The following RIC1 variants were observed in gnomAD, a reference collection of about 807,000 sequenced individuals.
The protein encoded by RIC1 is guanine nucleotide exchange factor subunit RIC1.
Under a neutral mutation model 169.0 loss-of-function variants are expected in RIC1, and 88 were observed. The observed-to-expected ratio is 0.52, with a 90% CI of 0.44 to 0.62. The LOEUF (loss-of-function observed/expected upper bound fraction) is 0.62. RIC1 is among the 20% of genes least tolerant of loss of function. The probability of loss-of-function intolerance (pLI) is 0.00; values close to 1 mark genes in which losing one functional copy is unlikely to be tolerated. For synonymous variants in RIC1, 790 were observed against 601.5 expected (o/e 1.31, Z -4.59); for missense variants, 1,877 against 1,725.5 (o/e 1.09, Z -1.56).
At chr9:5,757,108 C>T (rs766480637) in intron 16 of RIC1, among the ~76,000 whole-genome samples, 5 of 152,160 alleles carry the variant, frequency 3.3e-5, no homozygotes, top group Non-Finnish European at 7.4e-5. Flanking sequence ...TTGTTACTCC[C>T]TTTCTTTCTC....
chr9:5,707,994 A>G (rs1416114854), intron 3 of RIC1, among the ~76,000 whole-genome samples: 1 of 150,742 alleles, frequency 6.6e-6, no homozygotes. Flanking sequence ...TGTTGTTTTT[A>G]TTGTTGTTGT....
chr9:5,720,373 G>T (rs376381499), intron 5 of RIC1, 49 bp downstream of exon 5: 49 of 1,530,968 alleles, frequency 3.2e-5, no homozygotes, highest in Non-Finnish European at 4.3e-5. Flanking sequence ...AATGTTTGAT[G>T]TCTAGTTAGG....
At position 5,733,678 on chromosome 9, in the gene RIC1, A is replaced by G. The variant is rs183522492; in HGVS notation, c.812+1199A>G. ...ACTTTTTCTCAATACATTGATCCTC[A>G]TTGAGCAGTTAAATGTAGAAATACG... On this transcript the variant is annotated intron_variant, in intron 7 of 25. Transcript: ENST00000414202. Among the ~76,000 whole-genome samples the G allele has an allele frequency of 3.9e-4, 60 of 152,246 alleles. 2 individuals carry two copies. Among genetic ancestry groups the G allele is most frequent in the African/African-American group, 1.4e-3 (57 of 41,562 alleles).
At chr9:5,722,256 A>ATT (rs771921878) in intron 6 of RIC1, among the ~76,000 whole-genome samples, 1,363 of 98,530 alleles carry the variant, frequency 0.014, 50 homozygotes, top group African/African-American at 0.049. Context: ...GGAGGAAGAG[A>ATT]TTTTTTTTTT....
chr9:5,756,261 T>C lies in RIC1; in HGVS notation c.1742T>C (p.Val581Ala), dbSNP rs139648086. 7 of 1,603,974 alleles carry C rather than the reference T, an allele frequency of 4.4e-6. No individual in the cohort carries two copies. The highest frequency in any genetic ancestry group is 5.1e-6 in the Non-Finnish European group (6 of 1,173,904). The change falls in exon 16 of 26, where the codon GTC (valine) becomes GCC (alanine). Residue 581 changes from valine (V) to alanine (A), a missense_variant. Transcript: ENST00000414202. ...TSNLDNAFAH[V>A]TKAQAETLLL... Reference sequence around the variant, plus strand: ...AATCTGGACAATGCCTTTGCTCATGTCACCAAAGCACAAGCAGAAACATTA... The same window carrying C: ...AATCTGGACAATGCCTTTGCTCATGCCACCAAAGCACAAGCAGAAACATTA...
chr9:5,699,819 G>T (rs920330673), intron 3 of RIC1, among the ~76,000 whole-genome samples: 1 of 152,022 alleles, frequency 6.6e-6, no homozygotes, highest in Non-Finnish European at 1.5e-5. Context: ...AAAATTAGTG[G>T]TGGTTTACCA....
intron 12 of RIC1, among the ~76,000 whole-genome samples, chr9:5,749,835 G>A (rs1825618496): frequency 7.3e-6 from 1 of 136,732 alleles, no homozygotes; most frequent in African/African-American, 2.7e-5. Flanking sequence ...CTGGAGTGCA[G>A]TGGCGTGATC....
At position 5,745,990 on chromosome 9, in the gene RIC1, T is replaced by G; in HGVS notation, c.1155T>G (p.Thr385=). The G allele has an allele frequency of 6.2e-7, 1 of 1,613,768 alleles. No homozygotes were observed. Among genetic ancestry groups the G allele is most frequent in the African/African-American group, 1.3e-5 (1 of 75,040 alleles). ...TCAGCGGATTTGGTTCTCAAAACAC[T>G]GAAATTGAGTCTGACCTCAGGAGTG... ...WVISGFGSQN[T]EIESDLRSVV... Residue 385 remains threonine, a synonymous_variant, in exon 11 of 26, where the codon ACT becomes ACG. Coordinates refer to ENST00000414202, the MANE Select transcript of RIC1 (RefSeq NM_020829.4).
At chr9:5,737,140 G>C (rs1306050502) in intron 7 of RIC1, among the ~76,000 whole-genome samples, 1 of 152,158 alleles carries the variant, frequency 6.6e-6, no homozygotes, top group African/African-American at 2.4e-5. Flanking sequence ...ATTTTCAAAT[G>C]CTGAATGTGC....
At chr9:5,768,546 G>T (rs960696297) in intron 21 of RIC1, among the ~76,000 whole-genome samples, 3 of 152,038 alleles carry the variant, frequency 2.0e-5, no homozygotes, top group African/African-American at 7.2e-5. Flanking sequence ...AAAAAAGTTG[G>T]TATTCTTTTC....
At chr9:5,675,968 C>A (rs544151636) in intron 2 of RIC1, among the ~76,000 whole-genome samples, 2 of 152,122 alleles carry the variant, frequency 1.3e-5, no homozygotes, top group African/African-American at 4.8e-5. Context: ...TAATCTAACC[C>A]CCATCTTGCC....
chr9:5,770,004 A>T, intron 22 of RIC1, 83 bp from the exon 23 acceptor site: 1 of 1,230,378 alleles, frequency 8.1e-7, no homozygotes, highest in Non-Finnish European at 1.1e-6. Flanking sequence ...AGGTAGGGGA[A>T]GCTAAAAGAG....
chr9:5,757,363 G>A lies in RIC1; in HGVS notation c.1904G>A (p.Arg635His), dbSNP rs149164201. 404 of 1,613,850 alleles carry A rather than the reference G, an allele frequency of 2.5e-4. 1 individual carries two copies. Among genetic ancestry groups the A allele is most frequent in the East Asian group, 1.1e-4 (5 of 44,888 alleles). Residue 635 changes from arginine to histidine, a missense_variant, in exon 17 of 26, where the codon CGC becomes CAC. By Grantham distance (29) the Arg-to-His change is conservative. Coordinates refer to ENST00000414202, the MANE Select transcript of RIC1 (RefSeq NM_020829.4). ...GTTCTTCAGGAGGTTTCCATGTCAC[G>A]CTACATTCCTCACCCTTTCCTGGTG... ...IQVLQEVSMS[R>H]YIPHPFLVVS...
chr9:5,630,744 ATATG>A (rs1337441975), intron 1 of RIC1, among the ~76,000 whole-genome samples: 4 of 152,220 alleles, frequency 2.6e-5, no homozygotes, highest in Non-Finnish European at 4.4e-5. Flanking sequence ...TTTTGAATAT[ATATG>A]TATGTATGTG....
chr9:5,743,147 C>T, intron 9 of RIC1, 134 bp downstream of exon 9: 1 of 724,228 alleles, frequency 1.4e-6, no homozygotes, highest in Non-Finnish European at 2.2e-6. Flanking sequence ...AGTTCATAAT[C>T]TGTTCGAATA....
chr9:5,693,893 T>C (rs955689658), intron 3 of RIC1, among the ~76,000 whole-genome samples: 1 of 144,058 alleles, frequency 6.9e-6, no homozygotes, highest in East Asian at 2.0e-4. Flanking sequence ...CTAGCATTTT[T>C]GAGGCTGAGT....
Position 5,751,292 on chromosome 9 carries a change from C to T in RIC1, c.1453-1908C>T, listed in dbSNP as rs1013602399. The stretch of plus-strand genomic sequence containing the variant: ...AATGCTTTCAAGTTTTATTTCACCA[C>T]CCAATCATTACCTTAAGTGTACCAT... On this transcript the variant is annotated intron_variant, in intron 12 of 25. Transcript: ENST00000414202. Among the ~76,000 whole-genome samples the T allele has an allele frequency of 4.0e-5, 6 of 151,802 alleles. No individual in the cohort carries two copies. The South Asian group carries it at 1.0e-3, about 26-fold the overall frequency.
rs371832846 is a variant in RIC1, at chr9:5,754,834, T to C, written c.1603-7T>C. The C allele has an allele frequency of 9.1e-6, 14 of 1,540,046 alleles. No individual in the cohort carries two copies. In the African/African-American group the frequency reaches 1.9e-4, roughly 21 times the overall value. On this transcript the variant is annotated splice_polypyrimidine_tract_variant and splice_region_variant and intron_variant, in intron 14 of 25. Coordinates refer to ENST00000414202, the MANE Select transcript of RIC1 (RefSeq NM_020829.4). ...AGGTAAATTTTTTAAAAAATTTTTA[T>C]TTTAAGGAGCAAAATATGATCGTGA...
chr9:5,703,147 G>C (rs1822340647), intron 3 of RIC1, among the ~76,000 whole-genome samples: 1 of 152,064 alleles, frequency 6.6e-6, no homozygotes. Context: ...TCTCATCTGA[G>C]ACAAAACTAG....
Sources: allele counts gnomAD v4.1 joint callset (sites outside exome capture counted in the v4.1 genomes callset), GRCh38; gene constraint gnomAD v4.1.1; transcripts MANE v1.5; gene names NCBI Gene and HGNC (gene_info 2026-07-23, HGNC 2026-07-21).